Variants in ZNF573 observed in about 807,000 individuals in gnomAD.
ZNF573 encodes the protein zinc finger protein 573.
Under a neutral mutation model 57.4 loss-of-function variants are expected in ZNF573, and 41 were observed. That is an observed-to-expected ratio of 0.71 (90% CI 0.56 to 0.93). ZNF573 has a LOEUF of 0.93. Among genes scored for constraint, ZNF573 ranks in the 40% least tolerant of loss-of-function variants. The pLI is 0.00. For synonymous variants in ZNF573, 249 were observed against 261.0 expected (o/e 0.95, Z 0.44); for missense variants, 730 against 794.8 (o/e 0.92, Z 0.98).
chr19:37,769,068 G>A (rs1233017653), intron 4 of ZNF573, among the ~76,000 whole-genome samples: 1 of 150,704 alleles, frequency 6.6e-6, no homozygotes, highest in Non-Finnish European at 1.5e-5. Context: ...GGGTTCAAGC[G>A]ATTCTCCTGC....
At chr19:37,746,448 A>C (rs986004528) in intron 4 of ZNF573, among the ~76,000 whole-genome samples, 1 of 152,226 alleles carries the variant, frequency 6.6e-6, no homozygotes, top group African/African-American at 2.4e-5. Flanking sequence ...TACATTTTGT[A>C]GTAGTAGATG....
chr19:37,760,552 G>A (rs770733044), intron 4 of ZNF573, among the ~76,000 whole-genome samples: 9 of 152,108 alleles, frequency 5.9e-5, no homozygotes, highest in Non-Finnish European at 1.2e-4. Flanking sequence ...GGCCAGGTGC[G>A]GTGGCTCAAG....
Position 37,738,582 on chromosome 19 carries a change from T to G in ZNF573, c.1908A>C (p.Lys636Asn), listed in dbSNP as rs567201784. The G allele has an allele frequency of 8.7e-6, 14 of 1,608,108 alleles. No individual in the cohort carries two copies. In the East Asian group the frequency reaches 2.7e-4, roughly 31 times the overall value. ...TCCCACACTGCTTACACACATAGGG[T>G]TTCTCACCAGTATGAATTCTCTCAT... is the stretch of plus-strand genomic sequence containing the variant. ...VQHERIHTGE[K>N]PYVCKQCGKT... The change falls in exon 5 of 5, where the codon AAA (lysine) becomes AAC (asparagine). Residue 636 changes from lysine to asparagine, a missense_variant. By Grantham distance (94) the Lys-to-Asn change is moderately conservative (BLOSUM62 0). Transcript: ENST00000536220.
At chr19:37,776,771 C>G (rs761363463) in intron 1 of ZNF573, among the ~76,000 whole-genome samples, 1 of 152,106 alleles carries the variant, frequency 6.6e-6, no homozygotes, top group Non-Finnish European at 1.5e-5. Flanking sequence ...CTACAAGGAA[C>G]TCAAACAAAT....
intron 4 of ZNF573, among the ~76,000 whole-genome samples, chr19:37,743,938 T>C (rs2045352192): frequency 6.6e-6 from 1 of 151,948 alleles, no homozygotes; most frequent in Non-Finnish European, 1.5e-5. Flanking sequence ...AGTTGAACAA[T>C]GAGAACTCAT....
intron 1 of ZNF573, among the ~76,000 whole-genome samples, chr19:37,778,709 T>C (rs2045735274): frequency 6.6e-6 from 1 of 152,120 alleles, no homozygotes; most frequent in Non-Finnish European, 1.5e-5. Context: ...AGAGTCCTTT[T>C]GAGGAATAGC....
At chr19:37,750,376 G>C (rs954835407) in intron 4 of ZNF573, among the ~76,000 whole-genome samples, 2 of 152,054 alleles carry the variant, frequency 1.3e-5, no homozygotes, top group African/African-American at 2.4e-5. Flanking sequence ...GAGCCACTGC[G>C]CCCAGCCATC....
In ZNF573 at chr19:37,757,457, A is replaced by G. The variant is rs192608530; in HGVS notation, c.295+12548T>C. Among the ~76,000 whole-genome samples, 1,025 of 151,990 alleles carry G rather than the reference A, an allele frequency of 6.7e-3. 29 individuals are homozygous for G. The highest frequency in any genetic ancestry group is 0.045 in the East Asian group (232 of 5,160). ...CGTGATCTGCCTGCCTCAGACTCCC[A>G]AAGTGCTGGGATTACAGGCGTGAGC... On this transcript the variant is annotated intron_variant, in intron 4 of 4. Transcript: ENST00000536220.
At position 37,739,586 on chromosome 19, in the gene ZNF573, A is replaced by T. The variant is rs764913457; in HGVS notation, c.904T>A (p.Tyr302Asn). 2.5e-6 allele frequency: 4 copies of T among 1,614,018 alleles called. No homozygotes were observed. The Admixed American group carries it at 6.7e-5, about 27-fold the overall frequency. ...HGQFHTDEKP[Y>N]ICEKCGKAFR... The stretch of plus-strand genomic sequence containing the variant: ...GCCTTTCCACATTTCTCACATATGT[A>T]TGGCTTCTCATCAGTATGAAACTGC... Residue 302 changes from tyrosine (Y) to asparagine (N), a missense_variant, in exon 5 of 5, where the codon TAC becomes AAC. Tyr to Asn is a moderately radical substitution (Grantham distance 143). Transcript: ENST00000536220.
At chr19:37,751,073 T>C (rs184066235) in intron 4 of ZNF573, among the ~76,000 whole-genome samples, 2 of 149,678 alleles carry the variant, frequency 1.3e-5, no homozygotes, top group East Asian at 3.9e-4. Context: ...GTATGGTATA[T>C]ATACTGTGTA....
chr19:37,741,802 C>T (rs1167343150), intron 4 of ZNF573, among the ~76,000 whole-genome samples: 1 of 152,156 alleles, frequency 6.6e-6, no homozygotes, highest in Admixed American at 6.5e-5. Flanking sequence ...TCTTATTCAA[C>T]ACAGTACTGG....
At chr19:37,747,184 T>C (rs1053115946) in intron 4 of ZNF573, among the ~76,000 whole-genome samples, 1 of 14,204 alleles carries the variant, frequency 7.0e-5, no homozygotes, top group African/African-American at 3.1e-4. Context: ...GAAACAAATA[T>C]GTCTTATAGA....
chr19:37,738,875 T>C lies in ZNF573; in HGVS notation c.1615A>G (p.Arg539Gly). 1 of 1,610,292 alleles carries C rather than the reference T, an allele frequency of 6.2e-7. No individual in the cohort carries two copies. The highest frequency in any genetic ancestry group is 8.5e-7 in the Non-Finnish European group (1 of 1,178,994). Reference protein sequence around the residue: ...KVCRKTFTFYRNLTLHQSIHT... With the variant: ...KVCRKTFTFYGNLTLHQSIHT... Reference sequence around the variant, plus strand: ...ATACTTTGATGTAGAGTAAGATTTCTATAGAAAGTAAAGGTTTTTCTACAT... The same window carrying C: ...ATACTTTGATGTAGAGTAAGATTTCCATAGAAAGTAAAGGTTTTTCTACAT... Residue 539 changes from arginine (R) to glycine (G), a missense_variant, in exon 5 of 5, where the codon AGA becomes GGA. Transcript: ENST00000536220.
intron 3 of ZNF573, chr19:37,770,405 A>C: frequency 4.3e-6 from 1 of 232,728 alleles, no homozygotes; most frequent in Admixed American, 5.3e-5. Context: ...AAATCTACCA[A>C]CCTTGTGACT....
intron 4 of ZNF573, among the ~76,000 whole-genome samples, chr19:37,749,411 T>C (rs1444112150): frequency 1.3e-5 from 2 of 152,016 alleles, no homozygotes; most frequent in Admixed American, 6.6e-5. Context: ...TTTAAGGAGA[T>C]ATTACCTAAA....
At chr19:37,757,783 G>T (rs1289124695) in intron 4 of ZNF573, among the ~76,000 whole-genome samples, 1 of 152,014 alleles carries the variant, frequency 6.6e-6, no homozygotes, top group African/African-American at 2.4e-5. Context: ...CAAAGACTTG[G>T]AACCAACCCA....
chr19:37,740,550 G>A, intron 4 of ZNF573: 1 of 461,664 alleles, frequency 2.2e-6, no homozygotes, highest in South Asian at 1.6e-5. Flanking sequence ...ATGCAGGTCA[G>A]TGTTTAAGAA....
chr19:37,744,757 GAAAAA>G (rs957486847), intron 4 of ZNF573, among the ~76,000 whole-genome samples: 2 of 112,020 alleles, frequency 1.8e-5, no homozygotes, highest in Admixed American at 8.9e-5. Flanking sequence ...AAAAAAAAAA[GAAAAA>G]AAAAAAGAAA....
chr19:37,748,809 C>A (rs560262521), intron 4 of ZNF573, among the ~76,000 whole-genome samples: 30 of 151,946 alleles, frequency 2.0e-4, no homozygotes, highest in Non-Finnish European at 3.8e-4. Flanking sequence ...CGCCTGTAGT[C>A]CCAGCTAACT....
Sources: allele counts gnomAD v4.1 joint callset (sites outside exome capture counted in the v4.1 genomes callset), GRCh38; gene constraint gnomAD v4.1.1; transcripts MANE v1.5; gene names NCBI Gene and HGNC (gene_info 2026-07-23, HGNC 2026-07-21).